The following ABLIM1 variants were observed in gnomAD, a reference collection of about 807,000 sequenced individuals.
ABLIM1 encodes actin-binding LIM protein 1.
Under a neutral mutation model 107.0 loss-of-function variants are expected in ABLIM1, and 40 were observed. The observed-to-expected ratio is 0.37, with a 90% CI of 0.29 to 0.49. The LOEUF (loss-of-function observed/expected upper bound fraction) is 0.49, where lower values mean the gene tolerates loss of function less well. Among genes scored for constraint, ABLIM1 ranks in the 20% least tolerant of loss-of-function variants. The pLI, the probability that ABLIM1 is intolerant of heterozygous loss-of-function variation, is 0.97. For missense variants in ABLIM1, 857 were observed against 1,008.5 expected, an observed-to-expected ratio of 0.85 and a Z score of 2.04; for synonymous variants, 357 against 357.3, an observed-to-expected ratio of 1.00 and a Z score of 0.01.
chr10:114,463,264 C>T, intron 12 of ABLIM1: 1 of 1,127,452 alleles, frequency 8.9e-7, no homozygotes, highest in Non-Finnish European at 1.1e-6. Flanking sequence ...CAAGGGAAAA[C>T]AAAATAAAGA....
At chr10:114,716,937 T>C (rs994923316) in intron 1 of ABLIM1, among the ~76,000 whole-genome samples, 1 of 151,616 alleles carries the variant, frequency 6.6e-6, no homozygotes, top group Non-Finnish European at 1.5e-5. Context: ...AGAGCTGACA[T>C]GGAACTTATA....
Position 114,451,627 on chromosome 10 carries a change from G to A in ABLIM1, c.1591C>T (p.His531Tyr). 6.2e-7 allele frequency: 1 copy of A among 1,613,170 alleles called. No homozygotes were observed. Among genetic ancestry groups the A allele is most frequent in the Non-Finnish European group, 8.5e-7 (1 of 1,179,186 alleles). The part of the protein sequence containing the change: ...IYRKPPIYKQ[H>Y]AALAAQSKSS... ...CGCGGAGGAAAGCGGGTTTTACCATGCTGTTTGTAGATGGGTGGCTTTCGG... is the reference window on the plus strand; with the variant it reads ...CGCGGAGGAAAGCGGGTTTTACCATACTGTTTGTAGATGGGTGGCTTTCGG... The change falls in exon 14 of 23, where the codon CAT (histidine) becomes TAT (tyrosine). Residue 531 changes from histidine to tyrosine, a missense_variant. Physicochemically the swap from His to Tyr is moderately conservative, Grantham distance 83. Around this residue, in one of 5 missense-constraint regions of ABLIM1, gnomAD observed 103 missense variants for 101.0 expected, o/e 1.02. Transcript: ENST00000533213.
At chr10:114,492,613 T>C (rs1220715636) in intron 6 of ABLIM1, among the ~76,000 whole-genome samples, 1 of 152,240 alleles carries the variant, frequency 6.6e-6, no homozygotes, top group Non-Finnish European at 1.5e-5. Context: ...ATTAGAGTCA[T>C]GCTCCACATA....
chr10:114,701,311 A>T (rs141356343), intron 1 of ABLIM1, among the ~76,000 whole-genome samples: 22 of 152,312 alleles, frequency 1.4e-4, no homozygotes, highest in African/African-American at 5.3e-4. Context: ...ATACATTTCT[A>T]GTGAGAATAT....
chr10:114,511,078 G>C (rs1322642714), intron 6 of ABLIM1, among the ~76,000 whole-genome samples: 1 of 151,968 alleles, frequency 6.6e-6, no homozygotes, highest in African/African-American at 2.4e-5. Context: ...TAAAGTTTAA[G>C]TTCCATTAAG....
chr10:114,714,909 C>T (rs1290974638), intron 1 of ABLIM1, among the ~76,000 whole-genome samples: 1 of 152,092 alleles, frequency 6.6e-6, no homozygotes, highest in Non-Finnish European at 1.5e-5. Context: ...TCTCTGTCTC[C>T]CTTCTTCTCT....
intron 1 of ABLIM1, among the ~76,000 whole-genome samples, chr10:114,743,903 C>T (rs2082333115): frequency 6.6e-6 from 1 of 152,150 alleles, no homozygotes; most frequent in Admixed American, 6.5e-5. Context: ...CTTTCCAAAA[C>T]ATACAAAACA....
intron 1 of ABLIM1, among the ~76,000 whole-genome samples, chr10:114,699,380 A>G (rs1048944522): frequency 2.0e-5 from 3 of 152,180 alleles, no homozygotes; most frequent in Admixed American, 6.5e-5. Context: ...TTTTAATGTT[A>G]CAGATAATTT....
At chr10:114,455,494 A>G (rs1381183279) in intron 12 of ABLIM1, among the ~76,000 whole-genome samples, 1 of 152,258 alleles carries the variant, frequency 6.6e-6, no homozygotes, top group African/African-American at 2.4e-5. Flanking sequence ...TATAAAAAAC[A>G]CAGAGGAAAA....
chr10:114,583,466 CACATATATATAT>C (rs2073817037), intron 2 of ABLIM1, among the ~76,000 whole-genome samples: 1 of 7,090 alleles, frequency 1.4e-4, no homozygotes, highest in Non-Finnish European at 2.8e-4. Context: ...CACACACACA[CACATATATATAT>C]ATATATATAT....
intron 6 of ABLIM1, among the ~76,000 whole-genome samples, chr10:114,536,230 T>TTTTTC (rs2065997613): frequency 2.9e-4 from 1 of 3,398 alleles, no homozygotes; most frequent in African/African-American, 5.0e-4. Flanking sequence ...TTTCTTTGTT[T>TTTTTC]TTTTTTTTTT....
intron 1 of ABLIM1, among the ~76,000 whole-genome samples, chr10:114,721,322 T>C (rs1009635306): frequency 4.6e-5 from 7 of 152,034 alleles, no homozygotes; most frequent in Admixed American, 2.0e-4. Context: ...AGCTCGTGGG[T>C]GATGGCTTAT....
At chr10:114,778,811 A>T in the ABLIM1 span, 3 of 151,882 alleles carry the variant, frequency 2.0e-5, no homozygotes, top group Admixed American at 1.3e-4. Flanking sequence ...GTGTAATCCC[A>T]TCTTGTGGAC....
chr10:114,800,250 T>C, the ABLIM1 span, among the ~76,000 whole-genome samples: 3 of 152,252 alleles, frequency 2.0e-5, no homozygotes, highest in South Asian at 6.2e-4. Context: ...GTTTTGGAAA[T>C]TTGTGGAGGA....
At chr10:114,630,205 G>A (rs1394988955) in intron 1 of ABLIM1, among the ~76,000 whole-genome samples, 1 of 152,196 alleles carries the variant, frequency 6.6e-6, no homozygotes, top group Non-Finnish European at 1.5e-5. Context: ...AGAATGGAAT[G>A]AAGAAATGGC....
chr10:114,489,568 CA>C, intron 7 of ABLIM1, among the ~76,000 whole-genome samples: 1 of 152,178 alleles, frequency 6.6e-6, no homozygotes, highest in East Asian at 1.9e-4. Flanking sequence ...GTCCCTTCAG[CA>C]CTAACTCTGG....
the ABLIM1 span, among the ~76,000 whole-genome samples, chr10:114,780,675 G>A: frequency 2.0e-5 from 3 of 152,022 alleles, no homozygotes; most frequent in Admixed American, 2.0e-4. Flanking sequence ...TGGTCTGTTG[G>A]GCCCAGTGCA....
chr10:114,547,157 TTAA>T (rs2067461189), intron 5 of ABLIM1, among the ~76,000 whole-genome samples: 6 of 12,974 alleles, frequency 4.6e-4, no homozygotes, highest in African/African-American at 3.9e-3. Flanking sequence ...CAGGCTACAT[TTAA>T]AAAAAAAAAA....
At chr10:114,742,911 A>C (rs999033053) in intron 1 of ABLIM1, among the ~76,000 whole-genome samples, 6 of 152,192 alleles carry the variant, frequency 3.9e-5, no homozygotes, top group African/African-American at 1.2e-4. Flanking sequence ...TGACAGAGCA[A>C]GACTCTGTCT....
Sources: gnomAD v4.1 joint callset for allele counts (sites outside exome capture counted in the v4.1 genomes callset) on GRCh38, gnomAD v4.1.1 for gene constraint, gnomAD v4.1.1 regional missense constraint, MANE v1.5 for transcripts, NCBI Gene and HGNC (gene_info 2026-07-23, HGNC 2026-07-21) for gene names.